Variants in SNX14 observed in about 807,000 individuals in gnomAD.
SNX14 encodes the protein sorting nexin 14, also known as sorting nexin-14.
Under a neutral mutation model 133.8 loss-of-function variants are expected in SNX14, and 93 were observed. The observed-to-expected ratio is 0.70, with a 90% confidence interval of 0.59 to 0.83. SNX14 has a LOEUF of 0.83. Ranked by LOEUF, SNX14 falls within the 40% of genes least tolerant of loss-of-function variation. The pLI, the probability that SNX14 is intolerant of heterozygous loss-of-function variation, is 0.00. For missense variants in SNX14, 945 were observed against 1,094.9 expected, an observed-to-expected ratio of 0.86 and a Z score of 1.93; for synonymous variants, 368 against 365.6, an observed-to-expected ratio of 1.01 and a Z score of -0.07.
chr6:85,516,108 T>C (rs953893329), intron 23 of SNX14, among the ~76,000 whole-genome samples: 3 of 152,186 alleles, frequency 2.0e-5, no homozygotes, highest in African/African-American at 7.2e-5. Flanking sequence ...CACATCCTAC[T>C]TTTTCATTTA....
intron 16 of SNX14, 50 bp from the exon 17 acceptor site, chr6:85,536,974 G>T (rs1380635653): frequency 6.6e-7 from 1 of 1,522,180 alleles, no homozygotes. Flanking sequence ...TATCACAACA[G>T]TCTAGTTTAT....
chr6:85,572,419 T>A (rs746875632), intron 2 of SNX14, 45 bp from the exon 3 acceptor site: 3 of 1,362,588 alleles, frequency 2.2e-6, no homozygotes, highest in Non-Finnish European at 2.1e-6. Context: ...CATCTTTACA[T>A]AACATCTTTA....
intron 1 of SNX14, among the ~76,000 whole-genome samples, chr6:85,576,657 A>G (rs1243560652): frequency 6.6e-6 from 1 of 152,220 alleles, no homozygotes; most frequent in Non-Finnish European, 1.5e-5. Flanking sequence ...TGATGCCAGA[A>G]TTCAGAGAGG....
At chr6:85,547,252 T>C in intron 11 of SNX14, 26 bp from the exon 12 acceptor site, 1 of 1,611,834 alleles carries the variant, frequency 6.2e-7, no homozygotes, top group Non-Finnish European at 8.5e-7. Flanking sequence ...AGATTAAGTT[T>C]AAGCTATATA....
At chr6:85,533,577 A>C (rs562290702) in intron 18 of SNX14, 22 bp downstream of exon 18, 1 of 1,604,476 alleles carries the variant, frequency 6.2e-7, no homozygotes, top group Non-Finnish European at 8.5e-7. Context: ...CTTTTAAGAA[A>C]GGTGCTCAGA....
chr6:85,578,376 G>A (rs537756441), intron 1 of SNX14, among the ~76,000 whole-genome samples: 1 of 152,264 alleles, frequency 6.6e-6, no homozygotes, highest in South Asian at 2.1e-4. Context: ...GCATGACAGA[G>A]AGTAAATAAC....
At chr6:85,520,746 TTC>T (rs1228392039) in intron 21 of SNX14, among the ~76,000 whole-genome samples, 2 of 152,232 alleles carry the variant, frequency 1.3e-5, no homozygotes, top group Non-Finnish European at 2.9e-5. Flanking sequence ...ACTGTATATA[TTC>T]TTTCATGTTT....
At position 85,513,921 on chromosome 6, in the gene SNX14, T is replaced by C; in HGVS notation, c.2558-26A>G. ...CTAAAAAAGAGTAAAAAGAAATATT[T>C]CTGGAATTTTCATCTATTTATACAC... On this transcript the variant is annotated intron_variant, in intron 25 of 28. Coordinates refer to ENST00000314673, the MANE Select transcript of SNX14 (RefSeq NM_153816.6). 3.2e-6 allele frequency: 5 copies of C among 1,587,286 alleles called. No homozygotes were observed. The East Asian group carries it at 1.1e-4, about 36-fold the overall frequency.
At chr6:85,585,990 GAAAA>G (rs536086390) in intron 1 of SNX14, among the ~76,000 whole-genome samples, 1 of 75,100 alleles carries the variant, frequency 1.3e-5, no homozygotes, top group African/African-American at 4.4e-5. Context: ...CCCGCAACAG[GAAAA>G]AAAAAAAAAA....
At chr6:85,537,011 AAC>A in intron 16 of SNX14, 87 bp from the exon 17 acceptor site, 3 of 1,375,528 alleles carry the variant, frequency 2.2e-6, no homozygotes, top group South Asian at 3.3e-5. Context: ...AAAAAAGAAA[AAC>A]AGTTTTGAAA....
intron 2 of SNX14, 136 bp from the exon 3 acceptor site, chr6:85,572,510 A>G (rs950923330): frequency 1.5e-6 from 1 of 672,574 alleles, no homozygotes; most frequent in African/African-American, 1.8e-5. Flanking sequence ...TTAACAGTGA[A>G]ATCTTTCTTT....
chr6:85,562,980 T>C (rs543683970), intron 6 of SNX14, among the ~76,000 whole-genome samples: 1 of 152,252 alleles, frequency 6.6e-6, no homozygotes, highest in Admixed American at 6.5e-5. Flanking sequence ...TTTCCATACA[T>C]CACCATTACT....
intron 26 of SNX14, among the ~76,000 whole-genome samples, chr6:85,509,180 C>G (rs1377295986): frequency 6.6e-6 from 1 of 152,160 alleles, no homozygotes; most frequent in Non-Finnish European, 1.5e-5. Context: ...CTAAGTTACT[C>G]TCCCAAACGG....
Position 85,534,788 on chromosome 6 carries a change from C to T in SNX14, c.1609-988G>A, listed in dbSNP as rs1321377365. On this transcript the variant is annotated intron_variant, in intron 17 of 28. Transcript: ENST00000314673. ...ATAATATCGAATAGAGAAAAGATAGCAAACTATATATAAAATGTAGTCTAC... is the reference window on the plus strand; with the variant it reads ...ATAATATCGAATAGAGAAAAGATAGTAAACTATATATAAAATGTAGTCTAC... Among the ~76,000 whole-genome samples, 5 of 145,914 alleles carry T rather than the reference C, an allele frequency of 3.4e-5. No homozygotes were observed. The Admixed American group carries it at 3.5e-4, about 10-fold the overall frequency.
chr6:85,544,494 A>T (rs540099404), intron 12 of SNX14, among the ~76,000 whole-genome samples: 2 of 152,358 alleles, frequency 1.3e-5, no homozygotes, highest in Non-Finnish European at 2.9e-5. Flanking sequence ...AAAGACAGCC[A>T]GGAATTTTCA....
chr6:85,574,551 T>A (rs562632732), intron 1 of SNX14, among the ~76,000 whole-genome samples, 173 bp from the exon 2 acceptor site: 111 of 152,322 alleles, frequency 7.3e-4, no homozygotes, highest in Admixed American at 2.2e-3. Flanking sequence ...ATAAGATGTA[T>A]GCTATCAAAT....
chr6:85,570,953 CAT>C (rs980416885), intron 4 of SNX14, among the ~76,000 whole-genome samples: 4 of 152,170 alleles, frequency 2.6e-5, no homozygotes, highest in African/African-American at 9.7e-5. Flanking sequence ...ACACAGAACA[CAT>C]GTCAACTTGG....
At chr6:85,572,268 G>C in intron 3 of SNX14, 30 bp downstream of exon 3, 1 of 1,609,386 alleles carries the variant, frequency 6.2e-7, no homozygotes, top group African/African-American at 1.3e-5. Flanking sequence ...TAATTAGAAG[G>C]ATCAACAAAT....
At chr6:85,563,633 T>C (rs546941475) in intron 6 of SNX14, among the ~76,000 whole-genome samples, 2 of 152,270 alleles carry the variant, frequency 1.3e-5, no homozygotes, top group African/African-American at 4.8e-5. Context: ...CCTCGAGTGG[T>C]CCGCCCACCT....
Sources: allele counts gnomAD v4.1 joint callset (sites outside exome capture counted in the v4.1 genomes callset), GRCh38; gene constraint gnomAD v4.1.1; transcripts MANE v1.5; gene names NCBI Gene and HGNC (gene_info 2026-07-23, HGNC 2026-07-21).